Variants in PSEN1 observed in about 807,000 individuals in gnomAD.
PSEN1 encodes presenilin-1.
PSEN1 carries 15 observed loss-of-function variants against 53.5 expected under a neutral mutation model. The ratio of observed to expected loss-of-function variants is 0.28; its 90% confidence interval spans 0.19 to 0.43. PSEN1 has a LOEUF of 0.43. PSEN1 is among the 20% of genes least tolerant of loss of function. The pLI is 1.00. For missense variants in PSEN1, 387 were observed against 571.2 expected (o/e 0.68, Z 3.29); for synonymous variants, 208 against 209.8 (o/e 0.99, Z 0.08).
At chr14:73,174,648 CG>C (rs1293198569) in intron 5 of PSEN1, among the ~76,000 whole-genome samples, 1 of 152,156 alleles carries the variant, frequency 6.6e-6, no homozygotes, top group Admixed American at 6.5e-5. Flanking sequence ...CTATAAAATA[CG>C]GTATAACTAA....
rs1900141899 is a variant in PSEN1, at chr14:73,222,773, A to G, written c.*3484A>G. 1 of 152,234 alleles carries G rather than the reference A, an allele frequency of 6.6e-6. No homozygotes were observed. Among genetic ancestry groups the G allele is most frequent in the African/African-American group, 2.4e-5 (1 of 41,454 alleles). 9.4% of individuals were successfully genotyped at this position (152,234 alleles called of 1,614,324 possible). A position where few individuals can be genotyped will look rare whatever the true frequency, so the allele number is the denominator to read the frequency against. On this transcript the variant is annotated 3_prime_UTR_variant, in exon 12 of 12. Transcript: ENST00000324501. ...ACAGTTACCATTACTGAGGGCTTAT[A>G]CATTGGTGTTATAAAAGTGACTTGA...
intron 4 of PSEN1, among the ~76,000 whole-genome samples, chr14:73,171,518 C>A (rs1474487861): frequency 6.6e-6 from 1 of 152,058 alleles, no homozygotes; most frequent in African/African-American, 2.4e-5. Flanking sequence ...AAGGGTGCAC[C>A]CTTACAGATG....
chr14:73,185,122 C>A (rs1213012379), intron 5 of PSEN1, among the ~76,000 whole-genome samples: 1 of 148,658 alleles, frequency 6.7e-6, no homozygotes, highest in Admixed American at 6.7e-5. Flanking sequence ...ACTTTCCAGA[C>A]TGGGCAGCCA....
chr14:73,166,070 TAAAATA>T (rs898723593), intron 3 of PSEN1, among the ~76,000 whole-genome samples: 6 of 150,348 alleles, frequency 4.0e-5, no homozygotes, highest in African/African-American at 1.5e-4. Flanking sequence ...ATAATAATAA[TAAAATA>T]AAAATAAAAG....
At chr14:73,196,763 C>T (rs919404362) in intron 7 of PSEN1, among the ~76,000 whole-genome samples, 12 of 152,148 alleles carry the variant, frequency 7.9e-5, no homozygotes, top group Non-Finnish European at 1.3e-4. Flanking sequence ...GCATAAGCCA[C>T]TGTGCCTGGC....
intron 5 of PSEN1, among the ~76,000 whole-genome samples, chr14:73,181,177 C>T (rs1249469885): frequency 2.6e-5 from 4 of 151,776 alleles, no homozygotes; most frequent in South Asian, 2.1e-4. Flanking sequence ...TGGTGGCTCA[C>T]GCATGTAATC....
chr14:73,140,935 G>T (rs1447881789), intron 1 of PSEN1, among the ~76,000 whole-genome samples: 1 of 152,088 alleles, frequency 6.6e-6, no homozygotes, highest in Non-Finnish European at 1.5e-5. Context: ...GGATCGGTGA[G>T]GGCAGTTCTT....
intron 7 of PSEN1, among the ~76,000 whole-genome samples, chr14:73,194,472 G>C (rs1336603731): frequency 6.6e-6 from 1 of 151,630 alleles, no homozygotes; most frequent in African/African-American, 2.4e-5. Flanking sequence ...TGTTTCCCAG[G>C]CTTGTCCGGA....
At chr14:73,188,798 G>GT (rs932837273) in intron 6 of PSEN1, among the ~76,000 whole-genome samples, 6 of 152,000 alleles carry the variant, frequency 3.9e-5, no homozygotes, top group African/African-American at 7.2e-5. Context: ...TTTTTGTTTT[G>GT]TTTTTTCTGA....
In PSEN1 at chr14:73,171,413, GT is replaced by G. The variant is rs534475682; in HGVS notation, c.338+367del. ...AATTCCTGTCATCCCCCTCCTCTTG[GT>G]GTTATATATAAAGTTTTGGTGCCGC... On this transcript the variant is annotated intron_variant, in intron 4 of 11. Coordinates refer to ENST00000324501, the MANE Select transcript of PSEN1 (RefSeq NM_000021.4). Among the ~76,000 whole-genome samples, 8 of 152,138 alleles carry G rather than the reference GT, an allele frequency of 5.3e-5. No individual in the cohort carries two copies. In the East Asian group the frequency reaches 1.5e-3, roughly 29 times the overall value.
At chr14:73,166,585 A>G (rs1039923277) in intron 3 of PSEN1, among the ~76,000 whole-genome samples, 12 of 152,334 alleles carry the variant, frequency 7.9e-5, no homozygotes, top group Admixed American at 2.6e-4. Flanking sequence ...CTGAACATCA[A>G]TTGCAGATAT....
chr14:73,163,049 TATC>T (rs1897602242), intron 3 of PSEN1, among the ~76,000 whole-genome samples: 1 of 152,238 alleles, frequency 6.6e-6, no homozygotes, highest in African/African-American at 2.4e-5. Flanking sequence ...TCCTTTCGAT[TATC>T]ATCTGTAGAT....
Position 73,186,071 on chromosome 14 carries a change from T to C in PSEN1, c.481-782T>C, listed in dbSNP as rs114615055. 5.2e-3 allele frequency among the ~76,000 whole-genome samples: 787 copies of C among 152,330 alleles called. 4 individuals carry two copies. Among genetic ancestry groups the C allele is most frequent in the African/African-American group, 0.018 (767 of 41,574 alleles). On this transcript the variant is annotated intron_variant, in intron 5 of 11. Coordinates refer to ENST00000324501, the MANE Select transcript of PSEN1 (RefSeq NM_000021.4). ...GAACACCAGAAACAACTTTGTTGTA[T>C]CTGGATATAATTTAGAATATTCAAA...
chr14:73,170,918 A>T lies in PSEN1; in HGVS notation c.209A>T (p.Asp70Val). The stretch of plus-strand genomic sequence containing the variant: ...GTGGTGGAGCAAGATGAGGAAGAAG[A>T]TGAGGAGCTGACATTGAAATATGGC... The part of the protein sequence containing the change: ...RQVVEQDEEE[D>V]EELTLKYGAK... The change falls in exon 4 of 12, where the codon GAT becomes GTT. Residue 70 changes from aspartate (D) to valine (V), a missense_variant. Transcript: ENST00000324501. 1 of 1,614,252 alleles carries T rather than the reference A, an allele frequency of 6.2e-7. No homozygotes were observed. The highest frequency in any genetic ancestry group is 1.1e-5 in the South Asian group (1 of 91,086).
intron 5 of PSEN1, among the ~76,000 whole-genome samples, chr14:73,177,422 G>A (rs1473546943): frequency 1.4e-5 from 2 of 147,512 alleles, no homozygotes; most frequent in Non-Finnish European, 2.9e-5. Context: ...TTTTTGTTTT[G>A]AGATAAAGTC....
At chr14:73,150,297 C>CA (rs1566618546) in intron 3 of PSEN1, among the ~76,000 whole-genome samples, 1 of 152,068 alleles carries the variant, frequency 6.6e-6, no homozygotes, top group African/African-American at 2.4e-5. Context: ...AGTTATATGA[C>CA]AAAAAATTGC....
chr14:73,142,444 TA>T (rs1896956159), intron 1 of PSEN1, among the ~76,000 whole-genome samples: 1 of 152,234 alleles, frequency 6.6e-6, no homozygotes. Context: ...AGATCATGGT[TA>T]AAAGTCCCCT....
At chr14:73,175,116 TTTTTTTTG>T (rs528605874) in intron 5 of PSEN1, among the ~76,000 whole-genome samples, 2 of 150,894 alleles carry the variant, frequency 1.3e-5, no homozygotes, top group African/African-American at 2.4e-5. Context: ...AGGTCAGGAG[TTTTTTTTG>T]TTTTTTTGTT....
intron 1 of PSEN1, among the ~76,000 whole-genome samples, chr14:73,142,136 G>A (rs1398771964): frequency 2.6e-5 from 4 of 152,052 alleles, no homozygotes; most frequent in South Asian, 4.2e-4. Flanking sequence ...TTGGAATTTA[G>A]AGTTCGGTTA....
Sources: gnomAD v4.1 joint callset for allele counts (sites outside exome capture counted in the v4.1 genomes callset) on GRCh38, gnomAD v4.1.1 for gene constraint, MANE v1.5 for transcripts, NCBI Gene and HGNC (gene_info 2026-07-23, HGNC 2026-07-21) for gene names.